Variants in CTNND2 observed in about 807,000 individuals in gnomAD.
CTNND2 encodes catenin delta 2.
Under a neutral mutation model 144.4 loss-of-function variants are expected in CTNND2, and 22 were observed. That is an observed-to-expected ratio of 0.15 (90% CI 0.11 to 0.22). The LOEUF (loss-of-function observed/expected upper bound fraction) is 0.22, where lower values mean the gene tolerates loss of function less well. Ranked by LOEUF, CTNND2 falls within the 10% of genes least tolerant of loss-of-function variation. The pLI is 1.00. For missense variants in CTNND2, 1,353 were observed against 1,618.8 expected, an observed-to-expected ratio of 0.84 and a Z score of 2.82; for synonymous variants, 751 against 695.6, an observed-to-expected ratio of 1.08 and a Z score of -1.25.
chr5:11,127,420 C>T lies in CTNND2; in HGVS notation c.2160-9853G>A, dbSNP rs778768355. Among the ~76,000 whole-genome samples the T allele has an allele frequency of 4.6e-4, 70 of 152,188 alleles. 1 individual carries two copies. The highest frequency in any genetic ancestry group is 2.6e-4 in the Non-Finnish European group (18 of 68,042). On this transcript the variant is annotated intron_variant, in intron 12 of 21. Coordinates refer to ENST00000304623, the MANE Select transcript of CTNND2 (RefSeq NM_001332.4). Reference sequence around the variant, plus strand: ...CAGGTGGAAATGTGTGACGTTTGCACGATACTCAAAAGTGGACTGAAGCAG... The same window carrying T: ...CAGGTGGAAATGTGTGACGTTTGCATGATACTCAAAAGTGGACTGAAGCAG...
chr5:11,225,876 G>A (rs773830691), intron 10 of CTNND2, among the ~76,000 whole-genome samples: 17 of 152,196 alleles, frequency 1.1e-4, no homozygotes, highest in Non-Finnish European at 2.2e-4. Flanking sequence ...AGTTAAGATA[G>A]GCTAGGTCCT....
intron 9 of CTNND2, among the ~76,000 whole-genome samples, chr5:11,296,268 C>A (rs1748980828): frequency 6.6e-6 from 1 of 151,922 alleles, no homozygotes; most frequent in South Asian, 2.1e-4. Context: ...AAATGCAAAT[C>A]AAAACCACAA....
Position 11,199,532 on chromosome 5 carries a change from C to A in CTNND2, c.1891G>T (p.Ala631Ser). Residue 631 changes from alanine (A) to serine (S), a missense_variant, in exon 11 of 22, where the codon GCC becomes TCC. Transcript: ENST00000304623. Reference protein sequence around the residue: ...YGKANDDNKIALKNCGGIPAL... With the variant: ...YGKANDDNKISLKNCGGIPAL... ...GGGATGCCACCACAGTTTTTCAGGG[C>A]AATTTTGTTATCATCGTTGGCCTTC... is the stretch of plus-strand genomic sequence containing the variant. 1 of 1,614,166 alleles carries A rather than the reference C, an allele frequency of 6.2e-7. No individual in the cohort carries two copies. Among genetic ancestry groups the A allele is most frequent in the Non-Finnish European group, 8.5e-7 (1 of 1,180,036 alleles).
intron 1 of CTNND2, among the ~76,000 whole-genome samples, chr5:11,902,087 G>A (rs1234209299): frequency 6.6e-6 from 1 of 152,150 alleles, no homozygotes; most frequent in Non-Finnish European, 1.5e-5. Flanking sequence ...CAGTCCTCCT[G>A]CAACACTGAC....
chr5:11,368,399 T>C (rs1348350897), intron 7 of CTNND2, among the ~76,000 whole-genome samples: 2 of 151,832 alleles, frequency 1.3e-5, no homozygotes, highest in African/African-American at 4.8e-5. Flanking sequence ...GGCTGTGGGG[T>C]TGGTGTTGGG....
At chr5:11,776,587 T>C (rs1408441579) in intron 1 of CTNND2, among the ~76,000 whole-genome samples, 2 of 152,176 alleles carry the variant, frequency 1.3e-5, no homozygotes, top group East Asian at 1.9e-4. Context: ...ATCCCATTTA[T>C]TTTATACATG....
intron 10 of CTNND2, among the ~76,000 whole-genome samples, chr5:11,223,143 C>T (rs933245356): frequency 1.3e-5 from 2 of 152,202 alleles, no homozygotes; most frequent in African/African-American, 2.4e-5. Flanking sequence ...TTTGGCCCTA[C>T]ATCTTTGATG....
intron 1 of CTNND2, among the ~76,000 whole-genome samples, chr5:11,767,156 A>G (rs1789642573): frequency 6.6e-6 from 1 of 152,236 alleles, no homozygotes. Flanking sequence ...GCATTGTAAC[A>G]AGATGCTAAG....
At chr5:11,355,154 A>G (rs1210594677) in intron 8 of CTNND2, among the ~76,000 whole-genome samples, 1 of 152,160 alleles carries the variant, frequency 6.6e-6, no homozygotes, top group African/African-American at 2.4e-5. Flanking sequence ...AAAGATTTCT[A>G]ATAAACAACC....
intron 12 of CTNND2, among the ~76,000 whole-genome samples, chr5:11,131,561 G>A (rs1755597909): frequency 6.6e-6 from 1 of 152,202 alleles, no homozygotes; most frequent in Non-Finnish European, 1.5e-5. Flanking sequence ...GCCAAGGCTG[G>A]CGGATAACGA....
chr5:11,357,951 T>C (rs1311319409), intron 8 of CTNND2, among the ~76,000 whole-genome samples: 2 of 152,162 alleles, frequency 1.3e-5, no homozygotes, highest in Non-Finnish European at 1.5e-5. Context: ...TATGGTTCCA[T>C]AGTGCTGTAT....
intron 1 of CTNND2, among the ~76,000 whole-genome samples, chr5:11,862,527 G>A (rs1460088211): frequency 6.6e-6 from 1 of 152,098 alleles, no homozygotes; most frequent in Non-Finnish European, 1.5e-5. Context: ...TAGGAAACTA[G>A]AAAACTTGAT....
chr5:11,612,140 TGATA>T (rs1780364030), intron 2 of CTNND2, among the ~76,000 whole-genome samples: 1 of 152,190 alleles, frequency 6.6e-6, no homozygotes, highest in East Asian at 1.9e-4. Flanking sequence ...ATGATCAGGC[TGATA>T]GATAGGAAAT....
chr5:11,886,212 G>A (rs1374432579), intron 1 of CTNND2, among the ~76,000 whole-genome samples: 1 of 151,430 alleles, frequency 6.6e-6, no homozygotes, highest in Non-Finnish European at 1.5e-5. Flanking sequence ...AAATATCAAT[G>A]AAACAAAAAG....
intron 2 of CTNND2, among the ~76,000 whole-genome samples, chr5:11,633,744 C>A (rs2126476632): frequency 6.7e-6 from 1 of 150,366 alleles, no homozygotes; most frequent in Middle Eastern, 3.4e-3. Context: ...CCAATGTACT[C>A]CAGTCTGGGT....
At chr5:11,459,480 A>T (rs1482088052) in intron 3 of CTNND2, among the ~76,000 whole-genome samples, 2 of 152,232 alleles carry the variant, frequency 1.3e-5, no homozygotes, top group African/African-American at 4.8e-5. Flanking sequence ...GATAAAGATA[A>T]TTGCTTGTTC....
At chr5:11,334,608 C>G (rs986526555) in intron 9 of CTNND2, among the ~76,000 whole-genome samples, 1 of 152,220 alleles carries the variant, frequency 6.6e-6, no homozygotes. Context: ...TCATATGTAA[C>G]TAACTTGTGT....
chr5:11,753,329 T>C (rs1158168265), intron 1 of CTNND2, among the ~76,000 whole-genome samples: 1 of 151,844 alleles, frequency 6.6e-6, no homozygotes. Context: ...ATGGCTCTTA[T>C]TATTTTGAGG....
At chr5:11,221,135 G>A (rs1739750169) in intron 10 of CTNND2, among the ~76,000 whole-genome samples, 1 of 152,136 alleles carries the variant, frequency 6.6e-6, no homozygotes, top group South Asian at 2.1e-4. Flanking sequence ...GTCATATAAT[G>A]AGCACCTATA....
Sources: gnomAD v4.1 joint callset for allele counts (sites outside exome capture counted in the v4.1 genomes callset) on GRCh38, gnomAD v4.1.1 for gene constraint, MANE v1.5 for transcripts, NCBI Gene and HGNC (gene_info 2026-07-23, HGNC 2026-07-21) for gene names.